ATF7IP2: variants seen among roughly 807,000 people sequenced by gnomAD.
ATF7IP2 encodes the protein activating transcription factor 7-interacting protein 2.
Under a neutral mutation model 64.2 loss-of-function variants are expected in ATF7IP2, and 42 were observed. That is an observed-to-expected ratio of 0.65 (90% CI 0.51 to 0.85). The LOEUF (loss-of-function observed/expected upper bound fraction) is 0.85. ATF7IP2 is among the 40% of genes least tolerant of loss of function. The pLI, the probability that ATF7IP2 is intolerant of heterozygous loss-of-function variation, is 0.00. For synonymous variants in ATF7IP2, 308 were observed against 272.8 expected, an observed-to-expected ratio of 1.13 and a Z score of -1.27; for missense variants, 933 against 784.2, an observed-to-expected ratio of 1.19 and a Z score of -2.27.
chr16:10,470,222 T>G lies in ATF7IP2; in HGVS notation c.1353-1888T>G, dbSNP rs1567173276. ...ATATGTAGAATATATAGTTTAGAAA[T>G]TATATATATACACACACACAAGCAA... On this transcript the variant is annotated intron_variant, in intron 9 of 13. Coordinates refer to ENST00000562102, the MANE Select transcript of ATF7IP2 (RefSeq NM_001393719.1). Among the ~76,000 whole-genome samples the G allele has an allele frequency of 2.6e-5, 4 of 152,156 alleles. No homozygotes were observed. In the South Asian group the frequency reaches 8.3e-4, roughly 32 times the overall value.
intron 1 of ATF7IP2, among the ~76,000 whole-genome samples, chr16:10,405,399 C>T (rs945160928): frequency 1.1e-4 from 16 of 152,070 alleles, no homozygotes; most frequent in African/African-American, 1.7e-4. Context: ...TATTCATTAT[C>T]GTGAAGACAC....
chr16:10,470,676 TAGG>T (rs1221307668), intron 9 of ATF7IP2, among the ~76,000 whole-genome samples: 2 of 151,896 alleles, frequency 1.3e-5, no homozygotes, highest in East Asian at 1.9e-4. Flanking sequence ...CCCAGCTACT[TAGG>T]AGGCCGAGAT....
intron 1 of ATF7IP2, among the ~76,000 whole-genome samples, chr16:10,395,583 T>C (rs1430067971): frequency 1.3e-5 from 2 of 152,190 alleles, no homozygotes; most frequent in East Asian, 3.8e-4. Flanking sequence ...AAAAGGATTA[T>C]ACACCATGAC....
chr16:10,434,710 C>T (rs1292497599), intron 6 of ATF7IP2, among the ~76,000 whole-genome samples: 1 of 152,104 alleles, frequency 6.6e-6, no homozygotes. Flanking sequence ...GATCCTAGCC[C>T]TAAGGACCAT....
At chr16:10,456,204 AG>A (rs1451255142) in intron 8 of ATF7IP2, among the ~76,000 whole-genome samples, 1 of 147,462 alleles carries the variant, frequency 6.8e-6, no homozygotes, top group Non-Finnish European at 1.5e-5. Context: ...AGAAAAAAAA[AG>A]AGAAAAATTG....
intron 1 of ATF7IP2, among the ~76,000 whole-genome samples, chr16:10,394,773 A>G (rs993914869): frequency 6.6e-6 from 1 of 152,248 alleles, no homozygotes; most frequent in Non-Finnish European, 1.5e-5. Context: ...CAAAGAAATC[A>G]TGAGGTTAAT....
chr16:10,418,914 C>T (rs934222456), intron 2 of ATF7IP2, among the ~76,000 whole-genome samples: 7 of 152,178 alleles, frequency 4.6e-5, no homozygotes, highest in South Asian at 4.1e-4. Context: ...ACCATCTGAC[C>T]GTTTTGTTCA....
chr16:10,422,965 C>T (rs2048015481), intron 3 of ATF7IP2, among the ~76,000 whole-genome samples: 1 of 152,220 alleles, frequency 6.6e-6, no homozygotes, highest in African/African-American at 2.4e-5. Flanking sequence ...AAACTAGAGG[C>T]CAGGTGCAGT....
chr16:10,413,526 T>C (rs2047813238), intron 1 of ATF7IP2, among the ~76,000 whole-genome samples: 1 of 152,180 alleles, frequency 6.6e-6, no homozygotes, highest in Non-Finnish European at 1.5e-5. Context: ...CTAATACAGT[T>C]AGTGTTTAGT....
intron 1 of ATF7IP2, among the ~76,000 whole-genome samples, chr16:10,406,947 AAAT>A (rs2141794936): frequency 6.6e-6 from 1 of 152,320 alleles, no homozygotes; most frequent in South Asian, 2.1e-4. Context: ...AGACACATAA[AAAT>A]AAATAAAATT....
At chr16:10,418,544 A>G (rs1185827465) in intron 2 of ATF7IP2, among the ~76,000 whole-genome samples, 1 of 152,232 alleles carries the variant, frequency 6.6e-6, no homozygotes, top group African/African-American at 2.4e-5. Flanking sequence ...TAAAAGTGCA[A>G]TCATCATTGA....
intron 8 of ATF7IP2, chr16:10,446,084 T>C (rs891400196): frequency 1.3e-5 from 2 of 152,244 alleles, no homozygotes; most frequent in Non-Finnish European, 2.9e-5. Flanking sequence ...GGCTTCCCCA[T>C]TGATTGACTA....
At chr16:10,473,684 T>C (rs1282168980) in intron 11 of ATF7IP2, 150 bp downstream of exon 11, 1 of 668,358 alleles carries the variant, frequency 1.5e-6, no homozygotes, top group East Asian at 2.6e-5. Context: ...TTCATAACGA[T>C]ACTCATTTAC....
chr16:10,456,841 C>G (rs1343418987), intron 8 of ATF7IP2, among the ~76,000 whole-genome samples: 2 of 152,122 alleles, frequency 1.3e-5, no homozygotes, highest in East Asian at 3.9e-4. Flanking sequence ...TCCATGGCAC[C>G]TAGTGCATTT....
At chr16:10,474,872 G>A (rs1249249395) in intron 12 of ATF7IP2, among the ~76,000 whole-genome samples, 1 of 152,114 alleles carries the variant, frequency 6.6e-6, no homozygotes, top group Non-Finnish European at 1.5e-5. Flanking sequence ...AAAAGGTTGG[G>A]GGAAAATAAC....
intron 6 of ATF7IP2, 74 bp from the exon 7 acceptor site, chr16:10,438,027 C>A: frequency 1.7e-6 from 2 of 1,208,098 alleles, no homozygotes; most frequent in Non-Finnish European, 1.1e-6. Flanking sequence ...AAGAGCAAGG[C>A]TTTTTAAGTA....
intron 8 of ATF7IP2, among the ~76,000 whole-genome samples, chr16:10,450,934 T>C (rs933138930): frequency 6.6e-6 from 1 of 152,224 alleles, no homozygotes; most frequent in Admixed American, 6.5e-5. Flanking sequence ...ATTTGGTATG[T>C]TTTTGCAGTG....
At chr16:10,406,196 C>T (rs181692951) in intron 1 of ATF7IP2, among the ~76,000 whole-genome samples, 375 of 152,090 alleles carry the variant, frequency 2.5e-3, no homozygotes, top group African/African-American at 7.3e-3. Context: ...GCCTCGACCT[C>T]CACAGGATCA....
At chr16:10,456,251 G>T (rs1457428312) in intron 8 of ATF7IP2, among the ~76,000 whole-genome samples, 1 of 152,152 alleles carries the variant, frequency 6.6e-6, no homozygotes, top group Non-Finnish European at 1.5e-5. Flanking sequence ...AAGGAACCAG[G>T]ACTTAATGAT....
Sources: allele counts gnomAD v4.1 joint callset (sites outside exome capture counted in the v4.1 genomes callset), GRCh38; gene constraint gnomAD v4.1.1; transcripts MANE v1.5; gene names NCBI Gene and HGNC (gene_info 2026-07-23, HGNC 2026-07-21).